Variants in TNRC6A observed in about 807,000 individuals in gnomAD.
The protein encoded by TNRC6A is trinucleotide repeat containing adaptor 6A, also known as trinucleotide repeat-containing gene 6A protein.
A neutral mutation model predicts 221.2 loss-of-function variants in TNRC6A; 44 were observed. The ratio of observed to expected loss-of-function variants is 0.20; its 90% confidence interval spans 0.16 to 0.26. The LOEUF (loss-of-function observed/expected upper bound fraction) is 0.26. Ranked by LOEUF, TNRC6A falls within the 10% of genes least tolerant of loss-of-function variation. TNRC6A has a pLI of 1.00. For missense variants in TNRC6A, 2,199 were observed against 2,404.4 expected, an observed-to-expected ratio of 0.91 and a Z score of 1.79; for synonymous variants, 847 against 838.5, an observed-to-expected ratio of 1.01 and a Z score of -0.18.
chr16:24,805,182 T>G, intron 14 of TNRC6A, 31 bp downstream of exon 14: 1 of 1,608,750 alleles, frequency 6.2e-7, no homozygotes, highest in Non-Finnish European at 8.5e-7. Flanking sequence ...TTCTCCTGTT[T>G]ACCTGCAAAA....
chr16:24,804,068 G>T (rs1214157780), intron 11 of TNRC6A, 109 bp from the exon 12 acceptor site: 4 of 1,184,670 alleles, frequency 3.4e-6, no homozygotes, highest in African/African-American at 1.6e-5. Flanking sequence ...CCCTTGTCTT[G>T]GCTGAAGTCA....
intron 2 of TNRC6A, among the ~76,000 whole-genome samples, chr16:24,743,096 A>G (rs898250786): frequency 2.0e-5 from 3 of 152,302 alleles, no homozygotes; most frequent in Admixed American, 6.5e-5. Flanking sequence ...CAGCCTTACC[A>G]CAGCCTTGTA....
intron 17 of TNRC6A, among the ~76,000 whole-genome samples, chr16:24,806,985 C>T (rs372931656): frequency 6.6e-6 from 1 of 151,788 alleles, no homozygotes; most frequent in African/African-American, 2.4e-5. Context: ...AAGAAAATCA[C>T]GATTTTTCTT....
At chr16:24,788,046 T>C (rs1161460189) in intron 5 of TNRC6A, among the ~76,000 whole-genome samples, 1 of 152,090 alleles carries the variant, frequency 6.6e-6, no homozygotes, top group African/African-American at 2.4e-5. Flanking sequence ...CCCTGAGGAG[T>C]GTCTGCCTAC....
intron 5 of TNRC6A, among the ~76,000 whole-genome samples, chr16:24,779,984 C>G (rs975335976): frequency 6.6e-6 from 1 of 152,100 alleles, no homozygotes; most frequent in Non-Finnish European, 1.5e-5. Context: ...GACTTGAGAC[C>G]TCTTTTTTGC....
chr16:24,664,812 C>CACACACACAA (rs747146748), intron 2 of TNRC6A: 1 of 439,326 alleles, frequency 2.3e-6, no homozygotes, highest in African/African-American at 2.2e-5. Flanking sequence ...CACACACACA[C>CACACACACAA]AAAACCTATA....
chr16:24,652,222 G>A (rs1902711848), intron 2 of TNRC6A, among the ~76,000 whole-genome samples: 1 of 152,042 alleles, frequency 6.6e-6, no homozygotes, highest in South Asian at 2.1e-4. Flanking sequence ...AAGAACTTAA[G>A]AAAGGAAACT....
chr16:24,626,928 AG>A (rs1231532639), intron 1 of TNRC6A, among the ~76,000 whole-genome samples: 3 of 149,044 alleles, frequency 2.0e-5, no homozygotes, highest in Non-Finnish European at 4.4e-5. Flanking sequence ...CTGGGATTAC[AG>A]GCGTGAGCCA....
intron 1 of TNRC6A, among the ~76,000 whole-genome samples, chr16:24,624,258 G>C (rs961059504): frequency 5.9e-5 from 9 of 152,116 alleles, no homozygotes; most frequent in African/African-American, 1.4e-4. Context: ...CTCTGCTCTC[G>C]TCACATTTGC....
At position 24,790,002 on chromosome 16, in the gene TNRC6A, A is replaced by C. The variant is rs1205046837; in HGVS notation, c.1360A>C (p.Asn454His). ...TATTACCACTGAAATGACTGGACCA[A>C]ATAACACTACTAACTTTATGACCTC... is the stretch of plus-strand genomic sequence containing the variant. ...QNITTEMTGP[N>H]NTTNFMTSSL... Residue 454 changes from asparagine (N) to histidine (H), a missense_variant, in exon 6 of 25, where the codon AAT (asparagine) becomes CAT (histidine). Asn to His is a moderately conservative substitution (Grantham distance 68). Around this residue, in one of 8 missense-constraint regions of TNRC6A, gnomAD observed 1,405 missense variants for 1,400.2 expected, o/e 1.00. Transcript: ENST00000395799. The C allele has an allele frequency of 3.7e-6, 6 of 1,614,120 alleles. No homozygotes were observed. The South Asian group carries it at 6.6e-5, about 18-fold the overall frequency.
chr16:24,743,385 A>T (rs1187488244), intron 2 of TNRC6A, among the ~76,000 whole-genome samples: 1 of 152,096 alleles, frequency 6.6e-6, no homozygotes, highest in East Asian at 1.9e-4. Flanking sequence ...GCAGTGTGGA[A>T]TGATCTTAGC....
At chr16:24,628,139 A>G (rs1901129445) in intron 1 of TNRC6A, among the ~76,000 whole-genome samples, 1 of 151,374 alleles carries the variant, frequency 6.6e-6, no homozygotes, top group African/African-American at 2.4e-5. Flanking sequence ...TAAAAGTCAC[A>G]CTAAGGGCCA....
chr16:24,766,674 CTTTTTTT>C (rs397972605), intron 4 of TNRC6A, among the ~76,000 whole-genome samples: 1 of 121,412 alleles, frequency 8.2e-6, no homozygotes, highest in Non-Finnish European at 1.7e-5. Flanking sequence ...TTCTTTTTAT[CTTTTTTT>C]TTTTTTTTTT....
chr16:24,660,253 C>T (rs2141905697), intron 2 of TNRC6A, among the ~76,000 whole-genome samples: 1 of 152,122 alleles, frequency 6.6e-6, no homozygotes, highest in South Asian at 2.1e-4. Flanking sequence ...CCCTGAGTCC[C>T]CAAAGTCCCT....
At chr16:24,652,822 TACCCCAGGGAAAACAGG>T (rs1351094455) in intron 2 of TNRC6A, among the ~76,000 whole-genome samples, 2 of 152,312 alleles carry the variant, frequency 1.3e-5, no homozygotes, top group East Asian at 1.9e-4. Context: ...AGATTAAGTT[TACCCCAGGGAAAACAGG>T]ACATGGATTG....
chr16:24,768,045 A>G (rs1186956807), intron 4 of TNRC6A, among the ~76,000 whole-genome samples: 1 of 152,186 alleles, frequency 6.6e-6, no homozygotes, highest in Non-Finnish European at 1.5e-5. Flanking sequence ...TTTGCTTCTA[A>G]ACAGTTCTAA....
chr16:24,722,883 G>A (rs147210951), intron 2 of TNRC6A, among the ~76,000 whole-genome samples: 8 of 152,232 alleles, frequency 5.3e-5, no homozygotes, highest in Non-Finnish European at 7.4e-5. Flanking sequence ...GAGACCAGAC[G>A]AGTTGCTTAT....
At chr16:24,733,835 G>A (rs1416165594) in intron 2 of TNRC6A, among the ~76,000 whole-genome samples, 1 of 152,172 alleles carries the variant, frequency 6.6e-6, no homozygotes, top group Non-Finnish European at 1.5e-5. Flanking sequence ...GAAAACTAGC[G>A]ATCTAGGCAA....
At chr16:24,730,485 G>A (rs551221650) in intron 2 of TNRC6A, among the ~76,000 whole-genome samples, 185 bp downstream of exon 2, 11 of 137,478 alleles carry the variant, frequency 8.0e-5, no homozygotes, top group Non-Finnish European at 1.6e-4. Context: ...TTACGCGTGT[G>A]TTTCTTTCTT....
Sources: allele counts gnomAD v4.1 joint callset (sites outside exome capture counted in the v4.1 genomes callset), GRCh38; gene constraint gnomAD v4.1.1; regional missense constraint gnomAD v4.1.1; transcripts MANE v1.5; gene names NCBI Gene and HGNC (gene_info 2026-07-23, HGNC 2026-07-21).